BCAR3: variants seen among roughly 807,000 people sequenced by gnomAD.
BCAR3 encodes the protein breast cancer anti-estrogen resistance protein 3.
Under a neutral mutation model 80.1 loss-of-function variants are expected in BCAR3, and 37 were observed. The observed-to-expected ratio is 0.46, with a 90% CI of 0.36 to 0.61. The LOEUF is 0.61. BCAR3 is among the 20% of genes least tolerant of loss of function. The pLI is 0.00. For synonymous variants in BCAR3, 389 were observed against 418.9 expected (o/e 0.93, Z 0.87); for missense variants, 978 against 1,068.2 (o/e 0.92, Z 1.18).
At chr1:93,784,027 A>T (rs964107306) in intron 2 of BCAR3, among the ~76,000 whole-genome samples, 2 of 152,194 alleles carry the variant, frequency 1.3e-5, no homozygotes, top group African/African-American at 4.8e-5. Context: ...GGAGAGGCCA[A>T]TGTGGAGACA....
intron 3 of BCAR3, among the ~76,000 whole-genome samples, chr1:93,610,525 C>T (rs1674916182): frequency 6.6e-6 from 1 of 152,244 alleles, no homozygotes; most frequent in African/African-American, 2.4e-5. Flanking sequence ...GTCCCACATC[C>T]TCCCTGAAGC....
chr1:93,712,618 A>C (rs1030621476), intron 2 of BCAR3, among the ~76,000 whole-genome samples: 11 of 151,152 alleles, frequency 7.3e-5, no homozygotes, highest in Non-Finnish European at 1.3e-4. Context: ...CTTTTTTCTT[A>C]CCCCTCCCTG....
intron 3 of BCAR3, among the ~76,000 whole-genome samples, chr1:93,687,504 G>A (rs535826603): frequency 8.7e-4 from 132 of 152,098 alleles, no homozygotes; most frequent in African/African-American, 2.9e-3. Context: ...ACGGGATTTC[G>A]CCATGTTGGC....
chr1:93,757,536 A>G (rs188337353), intron 2 of BCAR3, among the ~76,000 whole-genome samples: 11 of 152,258 alleles, frequency 7.2e-5, no homozygotes, highest in Admixed American at 2.0e-4. Context: ...TAAATAGTTG[A>G]CCCTTCAGCG....
intron 2 of BCAR3, among the ~76,000 whole-genome samples, chr1:93,815,924 C>T (rs1654001371): frequency 6.6e-6 from 1 of 152,178 alleles, no homozygotes; most frequent in Non-Finnish European, 1.5e-5. Flanking sequence ...TGATTCACAC[C>T]TTCCCTGATC....
intron 2 of BCAR3, among the ~76,000 whole-genome samples, chr1:93,751,637 A>G (rs1253566420): frequency 2.0e-5 from 3 of 152,202 alleles, no homozygotes; most frequent in South Asian, 2.1e-4. Context: ...GAAAATATCA[A>G]ATAATTCACA....
At chr1:93,563,188 A>C (rs574866087) in intron 11 of BCAR3, among the ~76,000 whole-genome samples, 3 of 152,346 alleles carry the variant, frequency 2.0e-5, no homozygotes, top group African/African-American at 7.2e-5. Context: ...CCATCACCTT[A>C]GTACCTCTTT....
chr1:93,821,285 C>T (rs1221070092), intron 2 of BCAR3, among the ~76,000 whole-genome samples: 1 of 152,128 alleles, frequency 6.6e-6, no homozygotes, highest in Non-Finnish European at 1.5e-5. Context: ...CAGGAATCTC[C>T]TGCAGAGGCC....
At chr1:93,713,970 G>C (rs920596859) in intron 2 of BCAR3, among the ~76,000 whole-genome samples, 1 of 152,120 alleles carries the variant, frequency 6.6e-6, no homozygotes, top group African/African-American at 2.4e-5. Context: ...AAATTAGAAA[G>C]ACAATTTTTA....
At position 93,582,423 on chromosome 1, in the gene BCAR3, A is replaced by G. The variant is rs1020163496; in HGVS notation, c.1564T>C (p.Ser522Pro). ...VSSFRPNEFE[S>P]KFLPPENKPL... ...TTATTCTCAGGGGGAAGGAACTTTG[A>G]CTCAAACTCGTTGGGCCTGAAGGAG... Residue 522 changes from serine to proline, a missense_variant, in exon 7 of 12, where the codon TCA becomes CCA. Physicochemically the swap from Ser to Pro is moderately conservative, Grantham distance 74. Transcript: ENST00000260502. 1 of 1,613,994 alleles carries G rather than the reference A, an allele frequency of 6.2e-7. No homozygotes were observed.
At chr1:93,721,513 G>A (rs147480764) in intron 2 of BCAR3, among the ~76,000 whole-genome samples, 1 of 152,098 alleles carries the variant, frequency 6.6e-6, no homozygotes, top group South Asian at 2.1e-4. Flanking sequence ...GGAATGCGAC[G>A]GAACTTTTCC....
At chr1:93,727,603 A>G (rs1650638641) in intron 2 of BCAR3, among the ~76,000 whole-genome samples, 1 of 152,226 alleles carries the variant, frequency 6.6e-6, no homozygotes, top group Non-Finnish European at 1.5e-5. Context: ...TCCAGACTGC[A>G]CACTTTAGGT....
At position 93,760,635 on chromosome 1, in the gene BCAR3, T is replaced by C. The variant is rs1651906874; in HGVS notation, c.-62-54493A>G. On this transcript the variant is annotated intron_variant, in intron 2 of 13. Transcript: ENST00000370244. ...AAAAAAAAAAGAAGAAGGAATGTAT[T>C]AGCCATGTCACTAGGAAGTGTAAGG... 4.6e-5 allele frequency among the ~76,000 whole-genome samples: 7 copies of C among 151,956 alleles called. No individual in the cohort carries two copies. The South Asian group carries it at 1.5e-3, about 32-fold the overall frequency.
intron 2 of BCAR3, among the ~76,000 whole-genome samples, chr1:93,775,667 AT>A (rs1652522094): frequency 6.6e-6 from 1 of 152,168 alleles, no homozygotes; most frequent in African/African-American, 2.4e-5. Context: ...AATAAATACG[AT>A]TTTCCACATA....
chr1:93,729,021 C>T (rs944568372), intron 2 of BCAR3, among the ~76,000 whole-genome samples: 2 of 152,176 alleles, frequency 1.3e-5, no homozygotes, highest in Non-Finnish European at 2.9e-5. Flanking sequence ...CATGCTCTTC[C>T]TTTCTGTATC....
chr1:93,666,326 A>T (rs1315931214), intron 2 of BCAR3, among the ~76,000 whole-genome samples: 1 of 152,200 alleles, frequency 6.6e-6, no homozygotes, highest in Admixed American at 6.5e-5. Flanking sequence ...TTAACCTACT[A>T]TTTCAAAGAC....
intron 2 of BCAR3, among the ~76,000 whole-genome samples, chr1:93,663,102 C>T (rs1037418766): frequency 6.6e-5 from 10 of 152,176 alleles, no homozygotes; most frequent in African/African-American, 2.4e-4. Context: ...TCTTGCTTCA[C>T]ATTTATCCTA....
chr1:93,829,162 G>A (rs1654474604), intron 2 of BCAR3, among the ~76,000 whole-genome samples: 1 of 152,288 alleles, frequency 6.6e-6, no homozygotes. Flanking sequence ...GCTTGAGGAG[G>A]CGGTGACTGA....
rs1654295681 is a variant in BCAR3 at position 93,823,669 on chromosome 1, C to T, written c.-63+21898G>A. ...AAGACAAACAAAGAGCTTTTTTAAC[C>T]TACATAGAAAAGTATCTCATTGTTT... On this transcript the variant is annotated intron_variant, in intron 2 of 13. Transcript: ENST00000370244. Among the ~76,000 whole-genome samples, 2 of 134,424 alleles carry T rather than the reference C, an allele frequency of 1.5e-5. 1 individual carries two copies. 88.2% of individuals were successfully genotyped at this position (134,424 alleles called of 152,430 possible).
Sources: allele counts gnomAD v4.1 joint callset (sites outside exome capture counted in the v4.1 genomes callset), GRCh38; gene constraint gnomAD v4.1.1; transcripts MANE v1.5; gene names NCBI Gene and HGNC (gene_info 2026-07-23, HGNC 2026-07-21).